Variants in EML1 observed in about 807,000 individuals in gnomAD.
EML1 encodes the protein echinoderm microtubule-associated protein-like 1.
In EML1, 27 loss-of-function variants were observed where a neutral mutation model predicts 110.4. That is an observed-to-expected ratio of 0.24 (90% CI 0.18 to 0.34). EML1 has a LOEUF of 0.34. Among genes scored for constraint, EML1 ranks in the 10% least tolerant of loss-of-function variants. The pLI is 1.00. For missense variants in EML1, 741 were observed against 1,030.9 expected (o/e 0.72, Z 3.85); for synonymous variants, 344 against 385.8 (o/e 0.89, Z 1.27).
At chr14:99,862,969 G>A (rs4905907) in intron 2 of EML1, among the ~76,000 whole-genome samples, 55,250 of 151,912 alleles carry the variant, frequency 0.36, 11,077 homozygotes, top group African/African-American at 0.53. Context: ...ATACTTACAT[G>A]TCTGCATCTG....
chr14:99,789,640 T>C (rs1164619569), upstream of EML1, among the ~76,000 whole-genome samples: 1 of 152,222 alleles, frequency 6.6e-6, no homozygotes, highest in Admixed American at 6.5e-5. Flanking sequence ...GTGTAACTAT[T>C]TTTGGTAGAG....
At chr14:99,926,006 G>T (rs1389504566) in intron 17 of EML1, among the ~76,000 whole-genome samples, 1 of 152,178 alleles carries the variant, frequency 6.6e-6, no homozygotes, top group East Asian at 1.9e-4. Context: ...GTTCTTCCCT[G>T]CCAGGACCGC....
chr14:99,812,847 G>A (rs1026563637), intron 1 of EML1, among the ~76,000 whole-genome samples: 1 of 152,150 alleles, frequency 6.6e-6, no homozygotes, highest in Non-Finnish European at 1.5e-5. Context: ...ACATTCTTAC[G>A]TGGTTTTAAA....
Position 99,939,869 on chromosome 14 carries a change from C to G in EML1, c.2323-118C>G, listed in dbSNP as rs2060553900. ...CACAGAGCAGGTTCCCAAGTGAGAG[C>G]TGCCGAGCGGAGGGCGAGTAAAGGA... On this transcript the variant is annotated intron_variant, in intron 21 of 21. Transcript: ENST00000262233. This position sits in a 1 kb window ranked among gnomAD's most constrained non-coding sequence, Gnocchi z 4.2. 3 of 1,303,470 alleles carry G rather than the reference C, an allele frequency of 2.3e-6. No individual in the cohort carries two copies. The highest frequency in any genetic ancestry group is 3.1e-6 in the Non-Finnish European group (3 of 977,754). 80.7% of individuals were successfully genotyped at this position (1,303,470 alleles called of 1,614,324 possible).
chr14:99,918,727 A>T (rs921845919), intron 16 of EML1, among the ~76,000 whole-genome samples: 2 of 152,068 alleles, frequency 1.3e-5, no homozygotes, highest in African/African-American at 4.8e-5. Flanking sequence ...AGGCAGGGGG[A>T]TCTCTTAAGA....
In EML1 at chr14:99,793,467, C is replaced by T. The variant is rs2057707519; in HGVS notation, c.-10C>T. 2.9e-6 allele frequency: 3 copies of T among 1,046,748 alleles called. No individual in the cohort carries two copies. The highest frequency in any genetic ancestry group is 1.2e-6 in the Non-Finnish European group (1 of 868,122). 64.8% of individuals were successfully genotyped at this position (1,046,748 alleles called of 1,614,324 possible). ...GGGCCGGGGAGCGGGCGCGGCCCGG[C>T]GGCCTCAGCATGGAGGACGGCTTCT... On this transcript the variant is annotated 5_prime_UTR_variant, in exon 1 of 22. Transcript: ENST00000262233.
At position 99,905,156 on chromosome 14, in the gene EML1, G is replaced by A. The variant is rs1200859378; in HGVS notation, c.1009-2482G>A. On this transcript the variant is annotated intron_variant, in intron 9 of 21. Transcript: ENST00000262233. This position sits in a 1 kb window ranked among gnomAD's most constrained non-coding sequence, Gnocchi z 4.1. The stretch of plus-strand genomic sequence containing the variant: ...TGAGGCGGCCCTAGTGATCCAGCTG[G>A]CTGCACCACAGCCCTAGGGGCCAAG... 6.6e-6 allele frequency among the ~76,000 whole-genome samples: 1 copy of A among 152,156 alleles called. No homozygotes were observed. Among genetic ancestry groups the A allele is most frequent in the Non-Finnish European group, 1.5e-5 (1 of 68,024 alleles).
intron 3 of EML1, among the ~76,000 whole-genome samples, chr14:99,873,562 G>T (rs957956453): frequency 6.6e-6 from 1 of 152,188 alleles, no homozygotes; most frequent in Non-Finnish European, 1.5e-5. Context: ...TTGTCCTGTT[G>T]AACAAAGGAA....
chr14:99,804,638 T>C (rs2057939151), intron 1 of EML1, among the ~76,000 whole-genome samples: 2 of 152,202 alleles, frequency 1.3e-5, no homozygotes, highest in Admixed American at 1.3e-4. Flanking sequence ...GCTATAGACC[T>C]GAAAGGGACT....
intron 1 of EML1, chr14:99,809,626 T>C (rs775976531): frequency 6.4e-5 from 29 of 455,974 alleles, no homozygotes; most frequent in Non-Finnish European, 1.1e-4. Flanking sequence ...GAGTCAGGCC[T>C]GCAACGTCTT....
chr14:99,778,330 T>A lies in EML1; in HGVS notation c.-27+4317T>A, dbSNP rs571300885. Among the ~76,000 whole-genome samples, 10 of 152,342 alleles carry A rather than the reference T, an allele frequency of 6.6e-5. No homozygotes were observed. The East Asian group carries it at 1.7e-3, about 26-fold the overall frequency. On this transcript the variant is annotated intron_variant, in intron 1 of 22. Transcript: ENST00000327921. Reference sequence around the variant, plus strand: ...TGATTGAATTTCCTTTCTTAGACAATTTTTTGTTTTTCCTGTAGTAAATTA... The same window carrying A: ...TGATTGAATTTCCTTTCTTAGACAAATTTTTGTTTTTCCTGTAGTAAATTA...
chr14:99,775,606 C>A (rs74084716), intron 1 of EML1, among the ~76,000 whole-genome samples: 125 of 152,334 alleles, frequency 8.2e-4, no homozygotes, highest in African/African-American at 2.9e-3. Flanking sequence ...GCTGGGTTTA[C>A]TCTTCATGAC....
intron 17 of EML1, among the ~76,000 whole-genome samples, chr14:99,923,093 C>T (rs2060158909): frequency 6.6e-6 from 1 of 152,104 alleles, no homozygotes; most frequent in Admixed American, 6.6e-5. Flanking sequence ...AGGCACACAC[C>T]ACCACGTCTG....
intron 1 of EML1, among the ~76,000 whole-genome samples, chr14:99,793,907 T>G (rs2057719959): frequency 6.6e-6 from 1 of 151,910 alleles, no homozygotes; most frequent in African/African-American, 2.4e-5. Flanking sequence ...GCTTTTTTGC[T>G]TCCCGACCCA....
intron 1 of EML1, among the ~76,000 whole-genome samples, chr14:99,811,067 C>G (rs906179290): frequency 3.4e-5 from 5 of 149,194 alleles, no homozygotes; most frequent in African/African-American, 1.2e-4. Context: ...TTCTCCCCGT[C>G]TCTTATGATG....
At chr14:99,924,054 T>G (rs2060188638) in intron 17 of EML1, among the ~76,000 whole-genome samples, 2 of 152,246 alleles carry the variant, frequency 1.3e-5, no homozygotes. Context: ...TGGACAATAG[T>G]GGCTCTTATC....
At chr14:99,833,734 G>T (rs535233674) in intron 1 of EML1, among the ~76,000 whole-genome samples, 1 of 152,192 alleles carries the variant, frequency 6.6e-6, no homozygotes, top group South Asian at 2.1e-4. Context: ...AACATCTTTT[G>T]CCATATTTAT....
intron 2 of EML1, among the ~76,000 whole-genome samples, chr14:99,860,742 G>A (rs1035813724): frequency 3.9e-5 from 6 of 152,124 alleles, no homozygotes; most frequent in South Asian, 2.1e-4. Context: ...GGATCTTGCC[G>A]AAGTTGGGAT....
intron 6 of EML1, among the ~76,000 whole-genome samples, chr14:99,895,225 A>G (rs1036083500): frequency 6.6e-6 from 1 of 152,084 alleles, no homozygotes; most frequent in South Asian, 2.1e-4. Flanking sequence ...AGAATTTTAG[A>G]TTCTAATGAG....
Sources: allele counts gnomAD v4.1 joint callset (sites outside exome capture counted in the v4.1 genomes callset), GRCh38; gene constraint gnomAD v4.1.1; non-coding constraint Gnocchi (gnomAD v3.1); transcripts MANE v1.5; gene names NCBI Gene and HGNC (gene_info 2026-07-23, HGNC 2026-07-21).